LRMDA: variants seen among roughly 807,000 people sequenced by gnomAD.
LRMDA encodes the protein leucine-rich melanocyte differentiation-associated protein.
In LRMDA, 18 loss-of-function variants were observed where a neutral mutation model predicts 29.8. The observed-to-expected ratio is 0.60, with a 90% CI of 0.42 to 0.90. The LOEUF is 0.90. LRMDA is among the 40% of genes least tolerant of loss of function. The pLI is 0.00. For missense variants in LRMDA, 273 were observed against 273.9 expected, an observed-to-expected ratio of 1.00 and a Z score of 0.02; for synonymous variants, 125 against 109.4, an observed-to-expected ratio of 1.14 and a Z score of -0.89.
intron 5 of LRMDA, among the ~76,000 whole-genome samples, chr10:76,288,086 A>C (rs1564712121): frequency 2.0e-5 from 3 of 152,188 alleles, no homozygotes; most frequent in African/African-American, 7.2e-5. Context: ...GCAGCATCTT[A>C]ATCTAAAAAT....
chr10:75,841,618 A>G (rs1844542489), intron 2 of LRMDA, among the ~76,000 whole-genome samples: 2 of 152,168 alleles, frequency 1.3e-5, no homozygotes, highest in African/African-American at 4.8e-5. Context: ...GTGGTAACTT[A>G]TGTTCAAGCC....
At chr10:76,353,752 G>A (rs1406425277) in intron 6 of LRMDA, among the ~76,000 whole-genome samples, 1 of 152,096 alleles carries the variant, frequency 6.6e-6, no homozygotes, top group Admixed American at 6.6e-5. Context: ...CATTCCAGGT[G>A]CTGGCCATTT....
At chr10:76,556,890 C>A (rs2579764) in intron 6 of LRMDA, among the ~76,000 whole-genome samples, 125,145 of 152,128 alleles carry the variant, frequency 0.82, 53,849 homozygotes, top group Non-Finnish European at 0.97. Flanking sequence ...GGGAAACTGG[C>A]GTGAGGAGAG....
At chr10:76,148,504 T>G (rs948720272) in intron 5 of LRMDA, among the ~76,000 whole-genome samples, 1 of 152,164 alleles carries the variant, frequency 6.6e-6, no homozygotes, top group African/African-American at 2.4e-5. Context: ...GTGTGGGATA[T>G]AATCTCCTGG....
At chr10:75,763,414 A>G (rs1174294676) in intron 2 of LRMDA, among the ~76,000 whole-genome samples, 2 of 152,262 alleles carry the variant, frequency 1.3e-5, no homozygotes, top group Non-Finnish European at 1.5e-5. Flanking sequence ...TTAAAATCAG[A>G]GTATGGGTGA....
In LRMDA at chr10:75,748,043, G is replaced by A. The variant is rs1033858549; in HGVS notation, c.132-287965G>A. ...TCTTCAAATTTGTGAGCTATCATTT[G>A]CTATTTATCATCATACTTAAATATT... On this transcript the variant is annotated intron_variant, in intron 2 of 6. Coordinates refer to ENST00000611255, the MANE Select transcript of LRMDA (RefSeq NM_001305581.2). Among the ~76,000 whole-genome samples the A allele has an allele frequency of 6.6e-5, 10 of 152,036 alleles. 1 individual carries two copies. The highest frequency in any genetic ancestry group is 6.6e-4 in the Admixed American group (10 of 15,258).
Position 76,557,366 on chromosome 10 carries a change from GA to G in LRMDA, c.*84del. On this transcript the variant is annotated 3_prime_UTR_variant, in exon 7 of 7. Coordinates refer to ENST00000611255, the MANE Select transcript of LRMDA (RefSeq NM_001305581.2). ...AATCAAAAATAAAGAAAACGCTAAA[GA>G]AAAAACAATAGCCCACATTGCCTCT... 1 of 1,227,472 alleles carries G rather than the reference GA, an allele frequency of 8.1e-7. No homozygotes were observed. The highest frequency in any genetic ancestry group is 1.2e-6 in the Non-Finnish European group (1 of 842,428). 76.0% of individuals were successfully genotyped at this position (1,227,472 alleles called of 1,614,324 possible).
chr10:75,515,832 C>T lies in LRMDA; in HGVS notation c.131+77338C>T, dbSNP rs35472117. ...CTTGTCATTTACATTAGATATTTCT[C>T]CTAATGCTATCCCTCCCCAAGCCCC... On this transcript the variant is annotated intron_variant, in intron 2 of 6. Coordinates refer to ENST00000611255, the MANE Select transcript of LRMDA (RefSeq NM_001305581.2). Among the ~76,000 whole-genome samples the T allele has an allele frequency of 8.0e-3, 1,213 of 152,196 alleles. 17 individuals carry two copies. Among genetic ancestry groups the T allele is most frequent in the African/African-American group, 0.028 (1,173 of 41,504 alleles).
At chr10:75,437,984 G>A (rs978770016) in intron 1 of LRMDA, among the ~76,000 whole-genome samples, 2 of 152,322 alleles carry the variant, frequency 1.3e-5, no homozygotes, top group African/African-American at 4.8e-5. Flanking sequence ...ATGAGGTAAT[G>A]TGCATACCAG....
chr10:76,543,316 CTG>C (rs71028203), intron 6 of LRMDA, among the ~76,000 whole-genome samples: 14,553 of 143,864 alleles, frequency 0.1, 735 homozygotes, highest in South Asian at 0.12. Flanking sequence ...TGGGGTGTGC[CTG>C]TGTGTGTGTG....
At chr10:76,177,595 C>A (rs1204455368) in intron 5 of LRMDA, among the ~76,000 whole-genome samples, 1 of 152,102 alleles carries the variant, frequency 6.6e-6, no homozygotes, top group Non-Finnish European at 1.5e-5. Flanking sequence ...ATGCTCAACT[C>A]TTTGAAAATG....
intron 6 of LRMDA, among the ~76,000 whole-genome samples, chr10:76,532,510 A>G (rs16933637): frequency 0.056 from 8,599 of 152,256 alleles, 338 homozygotes; most frequent in African/African-American, 0.1. Context: ...CCTTGGGTTC[A>G]AGTAAATTTC....
chr10:76,388,441 A>G (rs1470897937), intron 6 of LRMDA, among the ~76,000 whole-genome samples: 1 of 152,198 alleles, frequency 6.6e-6, no homozygotes, highest in East Asian at 1.9e-4. Flanking sequence ...TCATGTTCAT[A>G]CATTCATCTG....
At chr10:75,684,101 G>A (rs1244673855) in intron 2 of LRMDA, among the ~76,000 whole-genome samples, 1 of 152,204 alleles carries the variant, frequency 6.6e-6, no homozygotes, top group Non-Finnish European at 1.5e-5. Context: ...TTTGGCTGAA[G>A]TATTTTGTTG....
chr10:75,856,802 A>C (rs1296006588), intron 2 of LRMDA, among the ~76,000 whole-genome samples: 1 of 152,178 alleles, frequency 6.6e-6, no homozygotes, highest in Non-Finnish European at 1.5e-5. Context: ...CACTACTCCT[A>C]TTCAACATAG....
intron 5 of LRMDA, among the ~76,000 whole-genome samples, chr10:76,237,901 C>T (rs1351469699): frequency 6.8e-6 from 1 of 148,020 alleles, no homozygotes; most frequent in Non-Finnish European, 1.5e-5. Context: ...AGCAATTCTG[C>T]TGCCTCAGCC....
In LRMDA at chr10:76,305,321, G is replaced by A. The variant is rs138137702; in HGVS notation, c.517-19080G>A. On this transcript the variant is annotated intron_variant, in intron 5 of 6. Coordinates refer to ENST00000611255, the MANE Select transcript of LRMDA (RefSeq NM_001305581.2). The stretch of plus-strand genomic sequence containing the variant: ...TACAAAAGACAGTAGATGGTAGAAC[G>A]GAGTCAGGAAAAATGTTGGAAAATG... Among the ~76,000 whole-genome samples the A allele has an allele frequency of 2.0e-3, 304 of 152,296 alleles. 2 individuals carry two copies. The highest frequency in any genetic ancestry group is 6.5e-3 in the African/African-American group (270 of 41,558).
intron 5 of LRMDA, among the ~76,000 whole-genome samples, chr10:76,319,587 T>C (rs1840743944): frequency 6.6e-6 from 1 of 152,210 alleles, no homozygotes; most frequent in Admixed American, 6.5e-5. Flanking sequence ...TTGGTATTCT[T>C]AGCACAGGGC....
chr10:75,646,796 G>A (rs1841527636), intron 2 of LRMDA, among the ~76,000 whole-genome samples: 1 of 152,164 alleles, frequency 6.6e-6, no homozygotes, highest in Non-Finnish European at 1.5e-5. Context: ...TTGGGCAAAA[G>A]TGACAGTTTA....
Sources: allele counts gnomAD v4.1 joint callset (sites outside exome capture counted in the v4.1 genomes callset), GRCh38; gene constraint gnomAD v4.1.1; transcripts MANE v1.5; gene names NCBI Gene and HGNC (gene_info 2026-07-23, HGNC 2026-07-21).